Variants in ADAM18 observed in about 807,000 individuals in gnomAD.
ADAM18 encodes disintegrin and metalloproteinase domain-containing protein 18.
In ADAM18, 117 loss-of-function variants were observed where a neutral mutation model predicts 94.4. The observed-to-expected ratio is 1.24, with a 90% CI of 1.07 to 1.45. The LOEUF (loss-of-function observed/expected upper bound fraction) is 1.45. Ranked by LOEUF, ADAM18 falls within the 40% of genes most tolerant of loss-of-function variation. The pLI is 0.00. For synonymous variants in ADAM18, 327 were observed against 291.6 expected (o/e 1.12, Z -1.24); for missense variants, 936 against 880.0 (o/e 1.06, Z -0.81).
In ADAM18 at chr8:39,645,376, T is replaced by C. The variant is rs1365958538; in HGVS notation, c.948T>C (p.Ile316=). 1.9e-6 allele frequency: 3 copies of C among 1,612,476 alleles called. No individual in the cohort carries two copies. The highest frequency in any genetic ancestry group is 3.3e-5 in the Admixed American group (2 of 59,900). ...TAGGTTTGGAGGGATTTTCGGTTAT[T>C]ATAGCTCAACTGCTTGGCCTTAATG... is the stretch of plus-strand genomic sequence containing the variant. ...DAIGLEGFSV[I]IAQLLGLNVG... is the part of the protein sequence containing the mutation. Residue 316 remains isoleucine (I), a synonymous_variant, in exon 11 of 20, where the codon ATT becomes ATC. Transcript: ENST00000265707.
intron 6 of ADAM18, among the ~76,000 whole-genome samples, chr8:39,612,722 G>T (rs1454032479): frequency 6.6e-6 from 1 of 152,138 alleles, no homozygotes; most frequent in African/African-American, 2.4e-5. Flanking sequence ...TTCTTCTGGG[G>T]TTCCTCCTTG....
chr8:39,708,921 A>G (rs1207653024), intron 18 of ADAM18, among the ~76,000 whole-genome samples: 2 of 152,212 alleles, frequency 1.3e-5, no homozygotes, highest in African/African-American at 4.8e-5. Flanking sequence ...GAGAGGTTCC[A>G]GTGACCCTTG....
At chr8:39,682,268 C>A (rs559520116) in intron 16 of ADAM18, among the ~76,000 whole-genome samples, 1 of 152,240 alleles carries the variant, frequency 6.6e-6, no homozygotes, top group Admixed American at 6.5e-5. Context: ...AGGTAGAAAA[C>A]GGTTCATTTC....
chr8:39,603,066 A>G (rs1343263719), intron 2 of ADAM18, among the ~76,000 whole-genome samples: 1 of 152,192 alleles, frequency 6.6e-6, no homozygotes, highest in Non-Finnish European at 1.5e-5. Flanking sequence ...TGATGTCTGT[A>G]TTGAGATTCG....
intron 12 of ADAM18, among the ~76,000 whole-genome samples, chr8:39,662,276 T>C (rs2129580032): frequency 6.6e-6 from 1 of 152,270 alleles, no homozygotes; most frequent in Non-Finnish European, 1.5e-5. Context: ...TACAGCATTA[T>C]TTAACTTTGG....
At chr8:39,696,930 G>A (rs1024256624) in intron 17 of ADAM18, among the ~76,000 whole-genome samples, 1 of 151,504 alleles carries the variant, frequency 6.6e-6, no homozygotes, top group Non-Finnish European at 1.5e-5. Context: ...GATCAAGATT[G>A]TTATGAATCT....
chr8:39,612,911 C>T (rs1017065976), intron 6 of ADAM18, among the ~76,000 whole-genome samples: 2 of 152,126 alleles, frequency 1.3e-5, no homozygotes, highest in African/African-American at 4.8e-5. Flanking sequence ...GCACACTCAC[C>T]CATAGCCTCC....
At chr8:39,702,880 C>A (rs1269530417) in intron 17 of ADAM18, among the ~76,000 whole-genome samples, 1 of 152,164 alleles carries the variant, frequency 6.6e-6, no homozygotes, top group Non-Finnish European at 1.5e-5. Context: ...GTTTTGATTA[C>A]TGTAGTCCTG....
chr8:39,720,604 A>G (rs1822718702), intron 18 of ADAM18, among the ~76,000 whole-genome samples: 1 of 151,636 alleles, frequency 6.6e-6, no homozygotes, highest in South Asian at 2.1e-4. Flanking sequence ...AAATGAAAAA[A>G]CTAACACATC....
Position 39,698,347 on chromosome 8 carries a change from C to G in ADAM18, c.1902+5667C>G, listed in dbSNP as rs557114904. On this transcript the variant is annotated intron_variant, in intron 17 of 19. Transcript: ENST00000265707. ...ATTTATTAATCAATTTTTCTCATATCTAAGCCATAATTATTTGGCATATTC... is the reference window on the plus strand; with the variant it reads ...ATTTATTAATCAATTTTTCTCATATGTAAGCCATAATTATTTGGCATATTC... Among the ~76,000 whole-genome samples, 70 of 151,962 alleles carry G rather than the reference C, an allele frequency of 4.6e-4. 1 individual carries two copies. In the South Asian group the frequency reaches 5.2e-3, roughly 11 times the overall value.
chr8:39,636,346 C>T (rs1820076259), intron 7 of ADAM18, among the ~76,000 whole-genome samples: 1 of 152,118 alleles, frequency 6.6e-6, no homozygotes. Context: ...TTTAAAATTA[C>T]AGAATCCACT....
At chr8:39,708,108 A>C (rs1822291843) in intron 18 of ADAM18, among the ~76,000 whole-genome samples, 2 of 152,218 alleles carry the variant, frequency 1.3e-5, no homozygotes, top group African/African-American at 4.8e-5. Flanking sequence ...TCATCATGCT[A>C]CCCAGAACAG....
intron 2 of ADAM18, among the ~76,000 whole-genome samples, chr8:39,591,578 C>T (rs1012971951): frequency 6.6e-5 from 10 of 152,172 alleles, no homozygotes; most frequent in Non-Finnish European, 1.2e-4. Context: ...TCAGCCTCCA[C>T]TCCTAATTCT....
At chr8:39,657,130 CATAAA>C (rs1390059872) in intron 12 of ADAM18, among the ~76,000 whole-genome samples, 35 of 152,176 alleles carry the variant, frequency 2.3e-4, no homozygotes, top group African/African-American at 7.5e-4. Context: ...GTGCTATAAT[CATAAA>C]ATAAAGTATG....
intron 11 of ADAM18, among the ~76,000 whole-genome samples, chr8:39,647,990 T>A (rs935687490): frequency 4.6e-5 from 7 of 152,120 alleles, no homozygotes; most frequent in African/African-American, 1.7e-4. Context: ...TTCTTTTCCC[T>A]ACAAAATGAA....
rs749421107 is a variant in ADAM18 at position 39,610,531 on chromosome 8, G to A, written c.347G>A (p.Gly116Glu). The stretch of plus-strand genomic sequence containing the variant: ...TCTTATGCCTTCTAAATTTTCAGGG[G>A]ATTTCTCCAGTTTGAAAATATCAGT... ...VTLSICSGLR[G>E]FLQFENISYG... Residue 116 changes from glycine (G) to glutamate (E), a missense_variant and splice_region_variant, in exon 6 of 20, where the codon GGA becomes GAA. Coordinates refer to ENST00000265707, the MANE Select transcript of ADAM18 (RefSeq NM_014237.3). 6.3e-7 allele frequency: 1 copy of A among 1,593,246 alleles called. No homozygotes were observed. The highest frequency in any genetic ancestry group is 1.1e-5 in the South Asian group (1 of 87,204).
intron 6 of ADAM18, among the ~76,000 whole-genome samples, chr8:39,618,300 T>C (rs1819507692): frequency 6.6e-6 from 1 of 152,120 alleles, no homozygotes; most frequent in African/African-American, 2.4e-5. Flanking sequence ...ATGCATTCGA[T>C]ATACCAGCAT....
At chr8:39,617,768 A>G (rs893903277) in intron 6 of ADAM18, among the ~76,000 whole-genome samples, 1 of 152,106 alleles carries the variant, frequency 6.6e-6, no homozygotes, top group Non-Finnish European at 1.5e-5. Flanking sequence ...GTTCTCACTG[A>G]TAAGTGGGAG....
intron 16 of ADAM18, among the ~76,000 whole-genome samples, chr8:39,690,136 C>T (rs1304454281): frequency 6.6e-6 from 1 of 152,172 alleles, no homozygotes; most frequent in Non-Finnish European, 1.5e-5. Context: ...TGAGGTTGAG[C>T]TCCAGTTGGG....
Sources: allele counts gnomAD v4.1 joint callset (sites outside exome capture counted in the v4.1 genomes callset), GRCh38; gene constraint gnomAD v4.1.1; transcripts MANE v1.5; gene names NCBI Gene and HGNC (gene_info 2026-07-23, HGNC 2026-07-21).